Variants in RASAL2 observed in about 807,000 individuals in gnomAD.
The protein encoded by RASAL2 is RAS protein activator like 2, also known as ras GTPase-activating protein nGAP.
A neutral mutation model predicts 128.9 loss-of-function variants in RASAL2; 58 were observed. That is an observed-to-expected ratio of 0.45 (90% CI 0.36 to 0.56). RASAL2 has a LOEUF of 0.56. RASAL2 is among the 20% of genes least tolerant of loss of function. The pLI is 0.00. For synonymous variants in RASAL2, 561 were observed against 580.8 expected (o/e 0.97, Z 0.49); for missense variants, 1,360 against 1,601.6 (o/e 0.85, Z 2.57).
chr1:178,339,719 A>G (rs1266636101), intron 3 of RASAL2, among the ~76,000 whole-genome samples: 1 of 152,196 alleles, frequency 6.6e-6, no homozygotes, highest in Non-Finnish European at 1.5e-5. Flanking sequence ...TCTCCCCTGT[A>G]TAAAGAGTTG....
At chr1:178,420,363 C>A in intron 4 of RASAL2, 148 bp from the exon 5 acceptor site, 1 of 476,994 alleles carries the variant, frequency 2.1e-6, no homozygotes, top group Non-Finnish European at 3.6e-6. Context: ...TTTCAAGTGA[C>A]TATTATTTAC....
rs1228283934 is a variant in RASAL2, at chr1:178,282,036, A to G, written c.203-1528A>G. On this transcript the variant is annotated intron_variant, in intron 1 of 17. Transcript: ENST00000367649. ...TTTAAGATGCTTAGACTACAAGGGG[A>G]GGGTTGAGGGTAGGGGAGAGAGGGT... Among the ~76,000 whole-genome samples the G allele has an allele frequency of 2.0e-5, 3 of 152,100 alleles. No individual in the cohort carries two copies. The East Asian group carries it at 5.8e-4, about 29-fold the overall frequency.
At chr1:178,419,720 A>G (rs1008170595) in intron 4 of RASAL2, among the ~76,000 whole-genome samples, 3 of 152,178 alleles carry the variant, frequency 2.0e-5, no homozygotes, top group Admixed American at 1.3e-4. Flanking sequence ...TTAAGTGCTC[A>G]CTATTTGCCA....
intron 1 of RASAL2, chr1:178,121,165 CT>C (rs1659704384): frequency 6.6e-6 from 1 of 152,242 alleles, no homozygotes; most frequent in African/African-American, 2.4e-5. Context: ...GTACATTTTC[CT>C]TTTACAAGAT....
chr1:178,191,082 C>T (rs1232797051), intron 1 of RASAL2, among the ~76,000 whole-genome samples: 3 of 152,110 alleles, frequency 2.0e-5, no homozygotes, highest in Admixed American at 2.0e-4. Context: ...ACTTAGGATG[C>T]TTTCGGTCAG....
intron 4 of RASAL2, among the ~76,000 whole-genome samples, chr1:178,392,581 G>A (rs775346665): frequency 1.3e-5 from 2 of 152,168 alleles, no homozygotes; most frequent in South Asian, 2.1e-4. Context: ...TGAACAAAGT[G>A]GCATGAATAC....
intron 3 of RASAL2, among the ~76,000 whole-genome samples, chr1:178,361,182 CT>C (rs1671086410): frequency 6.6e-6 from 1 of 152,126 alleles, no homozygotes. Flanking sequence ...ATAGGGCATG[CT>C]TTACATATCT....
chr1:178,470,677 CT>C, intron 17 of RASAL2: 1 of 1,364,946 alleles, frequency 7.3e-7, no homozygotes, highest in Non-Finnish European at 9.8e-7. Flanking sequence ...GATATCTCCG[CT>C]GTGTTAAATT....
intron 1 of RASAL2, among the ~76,000 whole-genome samples, chr1:178,209,432 G>C (rs181925923): frequency 6.6e-6 from 1 of 152,240 alleles, no homozygotes; most frequent in African/African-American, 2.4e-5. Context: ...GGTGTAACAG[G>C]CTTTCAGTAT....
intron 1 of RASAL2, among the ~76,000 whole-genome samples, chr1:178,127,166 T>C (rs1659931982): frequency 6.6e-6 from 1 of 152,166 alleles, no homozygotes; most frequent in Non-Finnish European, 1.5e-5. Flanking sequence ...GGCTTGAAGA[T>C]AGAGACTTAT....
intron 3 of RASAL2, among the ~76,000 whole-genome samples, chr1:178,302,556 A>G (rs1014140297): frequency 3.9e-4 from 59 of 152,172 alleles, no homozygotes; most frequent in Admixed American, 5.2e-4. Flanking sequence ...GACTTAATAC[A>G]ATGTCAGTTC....
chr1:178,334,640 G>A (rs1311522095), intron 3 of RASAL2, among the ~76,000 whole-genome samples: 1 of 152,090 alleles, frequency 6.6e-6, no homozygotes, highest in Non-Finnish European at 1.5e-5. Flanking sequence ...ACTGCACCCG[G>A]CCACAACTTT....
chr1:178,194,554 TTTG>T lies in RASAL2; in HGVS notation c.203-88995_203-88993del, dbSNP rs959937459. On this transcript the variant is annotated intron_variant, in intron 1 of 17. Transcript: ENST00000367649. Reference sequence around the variant, plus strand: ...CCTGTAGTGATGCATTTTTATGATTTTTGTTGTTGTTGTTGTTTTCTTTTTGTT... The same window carrying T: ...CCTGTAGTGATGCATTTTTATGATTTTTGTTGTTGTTGTTTTCTTTTTGTT... The T allele has an allele frequency of 8.4e-5, 13 of 154,928 alleles. No individual in the cohort carries two copies. In the East Asian group the frequency reaches 1.3e-3, roughly 16 times the overall value. The allele number at this position is 154,928 out of a possible 1,614,324, so 9.6% of individuals were successfully genotyped here.
intron 10 of RASAL2, 148 bp downstream of exon 10, chr1:178,451,863 C>G: frequency 1.1e-6 from 1 of 949,864 alleles, no homozygotes; most frequent in African/African-American, 1.7e-5. Flanking sequence ...GAAAGTTTCC[C>G]TAATACAGTC....
At chr1:178,276,373 T>C (rs1312070858) in intron 1 of RASAL2, among the ~76,000 whole-genome samples, 1 of 152,228 alleles carries the variant, frequency 6.6e-6, no homozygotes, top group Non-Finnish European at 1.5e-5. Flanking sequence ...CCTTTCCTTT[T>C]GTACTTTAAG....
chr1:178,197,873 C>T (rs917548095), intron 1 of RASAL2, among the ~76,000 whole-genome samples: 12 of 152,204 alleles, frequency 7.9e-5, no homozygotes, highest in East Asian at 1.9e-4. Flanking sequence ...TGACAGGCCC[C>T]GCTGTGTGAT....
intron 3 of RASAL2, among the ~76,000 whole-genome samples, chr1:178,301,246 C>T (rs1465924732): frequency 6.6e-6 from 1 of 152,096 alleles, no homozygotes; most frequent in Admixed American, 6.6e-5. Flanking sequence ...TTCCACTATA[C>T]TTCTTTAACA....
intron 3 of RASAL2, among the ~76,000 whole-genome samples, chr1:178,305,833 C>T (rs770113461): frequency 5.3e-5 from 8 of 152,178 alleles, no homozygotes; most frequent in Middle Eastern, 3.4e-3. Flanking sequence ...GAATGTATGA[C>T]AGAAGAAATG....
intron 3 of RASAL2, among the ~76,000 whole-genome samples, chr1:178,321,658 C>T (rs1668786967): frequency 6.6e-6 from 1 of 151,916 alleles, no homozygotes; most frequent in Non-Finnish European, 1.5e-5. Context: ...GGACTACAGG[C>T]ATGTGCCACC....
Sources: gnomAD v4.1 joint callset for allele counts (sites outside exome capture counted in the v4.1 genomes callset) on GRCh38, gnomAD v4.1.1 for gene constraint, MANE v1.5 for transcripts, NCBI Gene and HGNC (gene_info 2026-07-23, HGNC 2026-07-21) for gene names.